LPCAT1: variants seen among roughly 807,000 people sequenced by gnomAD.
The protein encoded by LPCAT1 is lysophosphatidylcholine acyltransferase 1.
LPCAT1 carries 23 observed loss-of-function variants against 60.9 expected under a neutral mutation model. The ratio of observed to expected loss-of-function variants is 0.38; its 90% CI spans 0.27 to 0.53. LPCAT1 has a LOEUF of 0.53. Ranked by LOEUF, LPCAT1 falls within the 20% of genes least tolerant of loss-of-function variation. LPCAT1 has a pLI of 0.82. For synonymous variants in LPCAT1, 340 were observed against 301.1 expected (o/e 1.13, Z -1.34); for missense variants, 622 against 723.6 (o/e 0.86, Z 1.61).
At chr5:1,520,598 C>T (rs920531341) in intron 1 of LPCAT1, among the ~76,000 whole-genome samples, 1 of 152,102 alleles carries the variant, frequency 6.6e-6, no homozygotes, top group African/African-American at 2.4e-5. Flanking sequence ...CGGTGGTTCA[C>T]GCCTGTAATC....
rs1186298271 is a variant in LPCAT1 at position 1,463,511 on chromosome 5, C to T, written c.*140G>A. 3.6e-6 allele frequency: 3 copies of T among 835,508 alleles called. No homozygotes were observed. The highest frequency in any genetic ancestry group is 5.3e-5 in the East Asian group (2 of 37,460). 51.8% of individuals were successfully genotyped at this position (835,508 alleles called of 1,614,324 possible). A position where few individuals can be genotyped will look rare whatever the true frequency, so the allele number is the denominator to read the frequency against. On this transcript the variant is annotated 3_prime_UTR_variant, in exon 14 of 14. Transcript: ENST00000283415. ...CACAAAGGAACAAGATACAAACAGC[C>T]CCCGAGGCCCCTGGAACTCGGGCTG...
rs547286803 is a variant in LPCAT1, at chr5:1,496,643, G to A, written c.279-1729C>T. Among the ~76,000 whole-genome samples, 3 of 152,256 alleles carry A rather than the reference G, an allele frequency of 2.0e-5. No homozygotes were observed. The highest frequency in any genetic ancestry group is 2.1e-4 in the South Asian group (1 of 4,824). On this transcript the variant is annotated intron_variant, in intron 2 of 13. Transcript: ENST00000283415. The surrounding 1 kb of genome is among the most constrained non-coding windows in gnomAD (Gnocchi z 4.7). ...GAACACACCTGCCAGCCCCGAAATC[G>A]AATTGCAGGGACAGACGGTGCTCAG...
intron 1 of LPCAT1, among the ~76,000 whole-genome samples, chr5:1,517,892 G>A (rs1736552452): frequency 6.6e-6 from 1 of 152,244 alleles, no homozygotes; most frequent in African/African-American, 2.4e-5. Flanking sequence ...AGGGGACAAG[G>A]GGACGAGGTC....
chr5:1,512,491 A>T (rs1282702136), intron 1 of LPCAT1, among the ~76,000 whole-genome samples: 1 of 152,224 alleles, frequency 6.6e-6, no homozygotes, highest in Non-Finnish European at 1.5e-5. Context: ...CCCTGCAGTC[A>T]CTGGAGAAGA....
chr5:1,465,446 G>C (rs1272359983), intron 13 of LPCAT1, among the ~76,000 whole-genome samples: 3 of 139,964 alleles, frequency 2.1e-5, no homozygotes, highest in Admixed American at 1.5e-4. Context: ...ACAAGCGCAG[G>C]TACACACAGT....
Position 1,480,227 on chromosome 5 carries a change from C to A in LPCAT1, c.762-552G>T, listed in dbSNP as rs1735081040. The A allele has an allele frequency of 1.0e-4, 41 of 411,248 alleles. No individual in the cohort carries two copies. Among genetic ancestry groups the A allele is most frequent in the Middle Eastern group, 1.2e-3 (1 of 816 alleles). The allele number at this position is 411,248 out of a possible 1,614,324, so 25.5% of individuals were successfully genotyped here. On this transcript the variant is annotated intron_variant, in intron 7 of 13. Coordinates refer to ENST00000283415, the MANE Select transcript of LPCAT1 (RefSeq NM_024830.5). This position sits in a 1 kb window ranked among gnomAD's most constrained non-coding sequence, Gnocchi z 6.4. ...CCCCCGGGACCCCAGAACCCCTATA[C>A]CCCCCAGAGCCCCCTCCCAGCTCTG...
intron 1 of LPCAT1, among the ~76,000 whole-genome samples, chr5:1,519,698 G>A (rs536096534): frequency 1.7e-3 from 252 of 152,340 alleles, no homozygotes; most frequent in Non-Finnish European, 3.0e-3. Context: ...ACAGTGACCA[G>A]AGGCGAGGAC....
At chr5:1,492,429 C>T (rs553141761) in intron 3 of LPCAT1, among the ~76,000 whole-genome samples, 2 of 152,280 alleles carry the variant, frequency 1.3e-5, no homozygotes, top group Admixed American at 6.5e-5. Flanking sequence ...GCTCCAGGTG[C>T]GCAGTAGAGG....
intron 7 of LPCAT1, 61 bp from the exon 8 acceptor site, chr5:1,479,736 T>C: frequency 7.6e-7 from 1 of 1,314,348 alleles, no homozygotes; most frequent in Non-Finnish European, 1.1e-6. Flanking sequence ...AGTAAATTAC[T>C]CCCAATTCTG....
chr5:1,471,782 G>A (rs1734677947), intron 11 of LPCAT1, among the ~76,000 whole-genome samples: 1 of 151,588 alleles, frequency 6.6e-6, no homozygotes, highest in Admixed American at 6.6e-5. Context: ...GGAGGACTCT[G>A]GCCAGACAGC....
At position 1,523,897 on chromosome 5, in the gene LPCAT1, G is replaced by A. The variant is rs1736753857; in HGVS notation, c.-53C>T. On this transcript the variant is annotated 5_prime_UTR_variant, in exon 1 of 14. Coordinates refer to ENST00000283415, the MANE Select transcript of LPCAT1 (RefSeq NM_024830.5). This position sits in a 1 kb window ranked among gnomAD's most constrained non-coding sequence, Gnocchi z 7.1. Reference sequence around the variant, plus strand: ...CCGAGCTGCCTGGGGCGCCGAGCGGGGCCGGGGCTAGCTGGGCGCGGGTCT... The same window carrying A: ...CCGAGCTGCCTGGGGCGCCGAGCGGAGCCGGGGCTAGCTGGGCGCGGGTCT... 10 of 1,016,772 alleles carry A rather than the reference G, an allele frequency of 9.8e-6. No individual in the cohort carries two copies. Among genetic ancestry groups the A allele is most frequent in the East Asian group, 1.8e-4 (2 of 10,862 alleles). The allele number at this position is 1,016,772 out of a possible 1,614,324, so 63.0% of individuals were successfully genotyped here.
chr5:1,516,334 T>A (rs936678080), intron 1 of LPCAT1, among the ~76,000 whole-genome samples: 17 of 152,218 alleles, frequency 1.1e-4, no homozygotes, highest in African/African-American at 3.9e-4. Flanking sequence ...ATGATTCACA[T>A]GGCACACAGG....
At chr5:1,512,707 C>T (rs757315275) in intron 1 of LPCAT1, among the ~76,000 whole-genome samples, 6 of 152,224 alleles carry the variant, frequency 3.9e-5, no homozygotes, top group Non-Finnish European at 5.9e-5. Context: ...CTGGACTAAG[C>T]GTTCCCTGAC....
chr5:1,517,581 T>G (rs1469687687), intron 1 of LPCAT1, among the ~76,000 whole-genome samples: 1 of 151,924 alleles, frequency 6.6e-6, no homozygotes, highest in Non-Finnish European at 1.5e-5. Context: ...GGTAGTCGAG[T>G]CCCGTGCCCG....
At chr5:1,497,547 G>A (rs541643810) in intron 2 of LPCAT1, among the ~76,000 whole-genome samples, 89 of 152,382 alleles carry the variant, frequency 5.8e-4, no homozygotes, top group African/African-American at 1.1e-3. Flanking sequence ...CACGTCTGGC[G>A]GGGCTTCAAG....
chr5:1,484,991 C>T (rs972899629), intron 5 of LPCAT1, among the ~76,000 whole-genome samples: 9 of 152,344 alleles, frequency 5.9e-5, no homozygotes, highest in Admixed American at 2.0e-4. Flanking sequence ...CCAGCTCCAA[C>T]GCCCGGCAGC....
chr5:1,485,131 G>A (rs536873422), intron 5 of LPCAT1, among the ~76,000 whole-genome samples: 20 of 152,140 alleles, frequency 1.3e-4, no homozygotes, highest in Admixed American at 2.6e-4. Flanking sequence ...CAGCTCAGCC[G>A]ACCATCCCGA....
chr5:1,519,483 G>A (rs553130519), intron 1 of LPCAT1, among the ~76,000 whole-genome samples: 275 of 152,250 alleles, frequency 1.8e-3, no homozygotes, highest in Non-Finnish European at 3.1e-3. Flanking sequence ...TGCGTCATTC[G>A]GAAAATTCAT....
chr5:1,470,374 GCTGGGACCCCAGACT>G (rs530512724), intron 12 of LPCAT1, among the ~76,000 whole-genome samples: 142 of 152,360 alleles, frequency 9.3e-4, no homozygotes, highest in African/African-American at 3.2e-3. Context: ...CTGCAGCTGG[GCTGGGACCCCAGACT>G]CCCCCAGTGG....
Sources: gnomAD v4.1 joint callset for allele counts (sites outside exome capture counted in the v4.1 genomes callset) on GRCh38, gnomAD v4.1.1 for gene constraint, Gnocchi (gnomAD v3.1) non-coding constraint, MANE v1.5 for transcripts, NCBI Gene and HGNC (gene_info 2026-07-23, HGNC 2026-07-21) for gene names.